Variants in ZDHHC9 observed in about 807,000 individuals in gnomAD.
ZDHHC9 encodes zDHHC palmitoyltransferase 9.
ZDHHC9 carries 3 observed loss-of-function variants against 26.6 expected under a neutral mutation model. That is an observed-to-expected ratio of 0.11 (90% confidence interval 0.05 to 0.29). The LOEUF is 0.29. ZDHHC9 is among the 10% of genes least tolerant of loss of function. ZDHHC9 has a pLI of 1.00. For missense variants in ZDHHC9, 146 were observed against 296.4 expected (o/e 0.49, Z 3.73); for synonymous variants, 111 against 109.4 (o/e 1.01, Z -0.09).
chrX:129,810,040 A>G (rs1927601957), intron 10 of ZDHHC9, among the ~76,000 whole-genome samples: 1 of 105,944 alleles, frequency 9.4e-6, no homozygotes, highest in African/African-American at 3.5e-5. Flanking sequence ...TCATATCTCA[A>G]TAAAGTTCTT....
intron 5 of ZDHHC9, among the ~76,000 whole-genome samples, chrX:129,815,123 G>A (rs753393532): frequency 9.1e-6 from 1 of 110,389 alleles, no homozygotes; most frequent in Non-Finnish European, 1.9e-5. Context: ...AATCTTAATC[G>A]GTGGGCCTAC....
intron 3 of ZDHHC9, among the ~76,000 whole-genome samples, chrX:129,834,668 G>A (rs771948072): frequency 9.0e-6 from 1 of 111,351 alleles, no homozygotes. Context: ...ACCCCTGCTC[G>A]AGAACTTAGA....
chrX:129,821,296 CTTT>C (rs748605366), intron 5 of ZDHHC9, among the ~76,000 whole-genome samples: 1 of 99,381 alleles, frequency 1.0e-5, no homozygotes. Context: ...AGACCTTCTT[CTTT>C]TTTTTTTTTT....
intron 4 of ZDHHC9, among the ~76,000 whole-genome samples, chrX:129,825,335 A>T (rs1332949016): frequency 4.5e-5 from 5 of 111,853 alleles, no homozygotes; most frequent in Non-Finnish European, 9.4e-5. Context: ...ACTGACAGTC[A>T]GTCTCTCAGC....
intron 3 of ZDHHC9, among the ~76,000 whole-genome samples, chrX:129,834,041 G>A (rs1338016268): frequency 3.6e-5 from 4 of 111,759 alleles, no homozygotes; most frequent in Admixed American, 2.8e-4. Context: ...GGATTTTGGA[G>A]GTGGGGCCTT....
chrX:129,831,883 T>A (rs1928147253), intron 3 of ZDHHC9, among the ~76,000 whole-genome samples: 1 of 110,635 alleles, frequency 9.0e-6, no homozygotes, highest in Admixed American at 9.6e-5. Flanking sequence ...CCGGGGGTAT[T>A]GGGAAGGGAG....
chrX:129,812,363 G>A (rs1927662204), intron 8 of ZDHHC9, among the ~76,000 whole-genome samples: 1 of 112,692 alleles, frequency 8.9e-6, no homozygotes, highest in Non-Finnish European at 1.9e-5. Flanking sequence ...GGGATTACAG[G>A]CGTGAGCCAC....
intron 5 of ZDHHC9, 68 bp downstream of exon 5, chrX:129,823,611 G>A (rs1927940529): frequency 1.7e-6 from 2 of 1,170,956 alleles, no homozygotes; most frequent in Non-Finnish European, 1.2e-6. Flanking sequence ...CCCAAAATTG[G>A]TGACCACCCT....
intron 8 of ZDHHC9, among the ~76,000 whole-genome samples, chrX:129,812,462 G>A (rs979048127): frequency 4.5e-5 from 5 of 112,281 alleles, no homozygotes; most frequent in Admixed American, 1.9e-4. Flanking sequence ...GCACCAGCTA[G>A]CCTTTAAGGA....
At chrX:129,817,713 G>A (rs908310327) in intron 5 of ZDHHC9, among the ~76,000 whole-genome samples, 1 of 109,203 alleles carries the variant, frequency 9.2e-6, no homozygotes, top group Non-Finnish European at 1.9e-5. Flanking sequence ...TCATATAAGC[G>A]GAATCACACA....
chrX:129,830,581 T>C lies in ZDHHC9; in HGVS notation c.168-1440A>G, dbSNP rs1382484225. The stretch of plus-strand genomic sequence containing the variant: ...GAGAGTTATCGCTGACCTATTTTTA[T>C]CCTCCTCCTCCTGAGGCACATTTCT... On this transcript the variant is annotated intron_variant, in intron 3 of 10. Coordinates refer to ENST00000357166, the MANE Select transcript of ZDHHC9 (RefSeq NM_016032.4). Among the ~76,000 whole-genome samples the C allele has an allele frequency of 4.5e-5, 5 of 111,836 alleles. 1 individual carries two copies. Among genetic ancestry groups the C allele is most frequent in the Admixed American group, 1.9e-4 (2 of 10,467 alleles).
At chrX:129,838,704 A>C (rs777173360) in intron 3 of ZDHHC9, among the ~76,000 whole-genome samples, 2 of 111,286 alleles carry the variant, frequency 1.8e-5, no homozygotes, top group East Asian at 5.6e-4. Context: ...ATTAAAAAAA[A>C]AAAGAAACAC....
chrX:129,804,438 G>A lies in ZDHHC9; in HGVS notation c.*1932C>T, dbSNP rs1371065145. ...AAAAGGAAGACATGGAAAAAGGTCT[G>A]GGAGCAGCCAAATTTCATTAATTCC... On this transcript the variant is annotated 3_prime_UTR_variant, in exon 11 of 11. Coordinates refer to ENST00000357166, the MANE Select transcript of ZDHHC9 (RefSeq NM_016032.4). 1.8e-5 allele frequency: 2 copies of A among 111,292 alleles called. No individual in the cohort carries two copies. The highest frequency in any genetic ancestry group is 3.8e-5 in the Non-Finnish European group (2 of 53,005). 9.2% of individuals were successfully genotyped at this position (111,292 alleles called of 1,213,427 possible).
At chrX:129,824,842 A>T (rs1288807884) in intron 4 of ZDHHC9, among the ~76,000 whole-genome samples, 1 of 112,616 alleles carries the variant, frequency 8.9e-6, no homozygotes, top group Admixed American at 9.5e-5. Context: ...TGGTGAAAAC[A>T]GGAAAATACA....
At chrX:129,808,952 A>G (rs1927576979) in intron 10 of ZDHHC9, among the ~76,000 whole-genome samples, 1 of 112,444 alleles carries the variant, frequency 8.9e-6, no homozygotes, top group Non-Finnish European at 1.9e-5. Context: ...AATGGCCAAT[A>G]AGCACATGAA....
At position 129,823,604 on chromosome X, in the gene ZDHHC9, A is replaced by G. The variant is rs188932647; in HGVS notation, c.487+75T>C. On this transcript the variant is annotated intron_variant, in intron 5 of 10. Transcript: ENST00000357166. ...ATCTAAATCTATCTTCCCTCCTCCC[A>G]AAATTGGTGACCACCCTGACTTTCT... The G allele has an allele frequency of 1.7e-4, 198 of 1,155,902 alleles. 1 individual carries two copies. In the East Asian group the frequency reaches 3.9e-3, roughly 23 times the overall value.
chrX:129,835,974 CACAG>C (rs1459380385), intron 3 of ZDHHC9, among the ~76,000 whole-genome samples: 1 of 111,914 alleles, frequency 8.9e-6, no homozygotes, highest in Non-Finnish European at 1.9e-5. Context: ...TTAGTCAAGT[CACAG>C]ACAGAATCCG....
intron 3 of ZDHHC9, among the ~76,000 whole-genome samples, chrX:129,839,244 G>A (rs1928325635): frequency 1.0e-5 from 1 of 97,343 alleles, no homozygotes; most frequent in South Asian, 5.0e-4. Context: ...TTTTTTTTAA[G>A]ACAGAGTCTC....
rs373686605 is a variant in ZDHHC9 at position 129,813,667 on chromosome X, C to T, written c.674+10G>A. The stretch of plus-strand genomic sequence containing the variant: ...AGGCTTCACAGGGACATACTGCCAG[C>T]GGAGGATATGTTCCAGGAGTTTCTT... On this transcript the variant is annotated intron_variant, in intron 7 of 10. Coordinates refer to ENST00000357166, the MANE Select transcript of ZDHHC9 (RefSeq NM_016032.4). The T allele has an allele frequency of 3.2e-5, 39 of 1,207,737 alleles. No homozygotes were observed. The highest frequency in any genetic ancestry group is 2.5e-4 in the South Asian group (14 of 56,765).
Sources: gnomAD v4.1 joint callset for allele counts (sites outside exome capture counted in the v4.1 genomes callset) on GRCh38, gnomAD v4.1.1 for gene constraint, MANE v1.5 for transcripts, NCBI Gene and HGNC (gene_info 2026-07-23, HGNC 2026-07-21) for gene names.